The following VPS25 variants were observed in gnomAD, a reference collection of about 807,000 sequenced individuals.
The protein encoded by VPS25 is vacuolar protein sorting 25 homolog.
VPS25 carries 21 observed loss-of-function variants against 30.3 expected under a neutral mutation model. That is an observed-to-expected ratio of 0.69 (90% CI 0.49 to 1.00). The LOEUF (loss-of-function observed/expected upper bound fraction) is 1.00, where lower values mean the gene tolerates loss of function less well. Ranked by LOEUF, VPS25 falls within the 50% of genes least tolerant of loss-of-function variation. The pLI, the probability that VPS25 is intolerant of heterozygous loss-of-function variation, is 0.00. For missense variants in VPS25, 156 were observed against 217.2 expected (o/e 0.72, Z 1.77); for synonymous variants, 101 against 88.1 (o/e 1.15, Z -0.82).
chr17:42,775,534 C>A, intron 4 of VPS25, 65 bp downstream of exon 4: 2 of 1,350,062 alleles, frequency 1.5e-6, no homozygotes, highest in Non-Finnish European at 1.0e-6. Context: ...ATATTAGGGC[C>A]TAGCAGATAG....
chr17:42,775,521 A>C (rs1426181547), intron 4 of VPS25, 52 bp downstream of exon 4: 3 of 1,479,982 alleles, frequency 2.0e-6, no homozygotes, highest in Non-Finnish European at 2.8e-6. Context: ...GAAAAGGTTA[A>C]CTATATTAGG....
Position 42,779,037 on chromosome 17 carries a change from G to A in VPS25, c.499G>A (p.Val167Ile), listed in dbSNP as rs143889169. The A allele has an allele frequency of 1.3e-4, 208 of 1,614,074 alleles. 1 individual carries two copies. The African/African-American group carries it at 2.5e-3, about 20-fold the overall frequency. Residue 167 changes from valine to isoleucine, a missense_variant, in exon 6 of 6, where the codon GTC (valine) becomes ATC (isoleucine). Val to Ile is a conservative substitution (Grantham distance 29, BLOSUM62 3). Coordinates refer to ENST00000253794, the MANE Select transcript of VPS25 (RefSeq NM_032353.4). ...QQEHKAEIIT[V>I]SDGRGVKFF ...GGAGCACAAGGCCGAGATCATCACT[G>A]TCAGCGATGGCCGAGGCGTCAAGTT... is the stretch of plus-strand genomic sequence containing the variant.
intron 4 of VPS25, 21 bp from the exon 5 acceptor site, chr17:42,776,224 C>T: frequency 1.2e-6 from 2 of 1,608,154 alleles, no homozygotes; most frequent in Non-Finnish European, 1.7e-6. Context: ...CTAATTCACT[C>T]CTCATTTTCT....
chr17:42,778,710 G>A (rs531015863), intron 5 of VPS25, among the ~76,000 whole-genome samples: 2 of 152,190 alleles, frequency 1.3e-5, no homozygotes, highest in South Asian at 2.1e-4. Flanking sequence ...CTAGGTGTGG[G>A]GGAGGCTGAG....
At chr17:42,774,372 CTTTTT>C (rs1161401913) in intron 2 of VPS25, 447 of 226,832 alleles carry the variant, frequency 2.0e-3, no homozygotes, top group East Asian at 3.4e-3. Flanking sequence ...TTCTTTCTTT[CTTTTT>C]TTTTTTTTTT....
rs186900758 is a variant in VPS25 at position 42,778,157 on chromosome 17, C to T, written c.419-800C>T. Among the ~76,000 whole-genome samples, 137 of 152,206 alleles carry T rather than the reference C, an allele frequency of 9.0e-4. No homozygotes were observed. The Middle Eastern group carries it at 0.02, about 23-fold the overall frequency. On this transcript the variant is annotated intron_variant, in intron 5 of 5. Transcript: ENST00000253794. ...CCTGCAGTATCTTACCATATCTCCA[C>T]ATACTCAGCTAGCCATAGGCTCCCC...
At chr17:42,773,982 C>A in intron 2 of VPS25, 104 bp downstream of exon 2, 2 of 1,365,256 alleles carry the variant, frequency 1.5e-6, no homozygotes, top group Non-Finnish European at 2.0e-6. Context: ...CCATGGTAGG[C>A]AGATTCCCAC....
In VPS25 at chr17:42,773,881, A is replaced by ATCC; in HGVS notation, c.199+7_199+9dup. 1 of 1,612,084 alleles carries ATCC rather than the reference A, an allele frequency of 6.2e-7. No individual in the cohort carries two copies. Among genetic ancestry groups the ATCC allele is most frequent in the Non-Finnish European group, 8.5e-7 (1 of 1,179,796 alleles). On this transcript the variant is annotated splice_donor_region_variant and intron_variant, in intron 2 of 5. Transcript: ENST00000253794. ...CTTCAACAACGTCAAGCTACAGCGT[A>ATCC]TCCTCCCTCAGGCTCTTCCACAGCC...
chr17:42,774,137 T>A, intron 2 of VPS25: 1 of 405,846 alleles, frequency 2.5e-6, no homozygotes, highest in Non-Finnish European at 4.4e-6. Context: ...AGTTCCAAGT[T>A]TTTTAACCTA....
Position 42,779,353 on chromosome 17 carries a change from A to T in VPS25, c.*284A>T. 2.6e-6 allele frequency: 1 copy of T among 378,966 alleles called. No individual in the cohort carries two copies. Among genetic ancestry groups the T allele is most frequent in the South Asian group, 2.4e-5 (1 of 41,930 alleles). The allele number at this position is 378,966 out of a possible 1,614,324, so 23.5% of individuals were successfully genotyped here. On this transcript the variant is annotated 3_prime_UTR_variant, in exon 6 of 6. Transcript: ENST00000253794. ...CCAGGGTCTGTAAACCTGACACTTT[A>T]TATGTGTTCACACATGTAAGTACAT...
intron 3 of VPS25, 81 bp from the exon 4 acceptor site, chr17:42,775,300 C>G (rs2054430100): frequency 1.8e-6 from 2 of 1,086,030 alleles, no homozygotes; most frequent in Admixed American, 3.7e-5. Context: ...CTCCTGGGCT[C>G]AAGCAGTCCT....
chr17:42,777,647 T>C (rs1201980749), intron 5 of VPS25, among the ~76,000 whole-genome samples: 1 of 152,236 alleles, frequency 6.6e-6, no homozygotes, highest in Non-Finnish European at 1.5e-5. Context: ...TCAGGCTCTC[T>C]TTCACCCTTT....
intron 5 of VPS25, 105 bp from the exon 6 acceptor site, chr17:42,778,852 A>G: frequency 1.1e-6 from 1 of 945,532 alleles, no homozygotes; most frequent in Non-Finnish European, 1.6e-6. Flanking sequence ...TAGATGGCTT[A>G]TGCATACCCT....
chr17:42,775,590 A>T, intron 4 of VPS25, 121 bp downstream of exon 4: 1 of 744,188 alleles, frequency 1.3e-6, no homozygotes, highest in Non-Finnish European at 2.2e-6. Context: ...AGGGGGCAGA[A>T]AGAGGAAGTG....
chr17:42,777,249 T>C (rs1187729169), intron 5 of VPS25, among the ~76,000 whole-genome samples: 1 of 152,166 alleles, frequency 6.6e-6, no homozygotes, highest in Non-Finnish European at 1.5e-5. Flanking sequence ...GTGCAGTGGC[T>C]CACGCCTGTA....
intron 3 of VPS25, 80 bp from the exon 4 acceptor site, chr17:42,775,279 CTAGTTTCGAACTCCTGGGCTCA>C (rs2054429862): frequency 1.3e-6 from 1 of 798,302 alleles, no homozygotes. Context: ...GTTGCCCAGG[CTAGTTTCGAACTCCTGGGCTCA>C]AGCAGTCCTC....
Position 42,776,271 on chromosome 17 carries a change from C to A in VPS25, c.369C>A (p.Ser123=). Residue 123 remains serine (S), a synonymous_variant, in exon 5 of 6, where the codon TCC becomes TCA. Transcript: ENST00000253794. ...TTTCCAGGAGTGGCCAGAACAACTCCGTCTTTACCCTGTATGAACTGACTA... is the reference window on the plus strand; with the variant it reads ...TTTCCAGGAGTGGCCAGAACAACTCAGTCTTTACCCTGTATGAACTGACTA... ...QWVSRSGQNN[S]VFTLYELTNG... is the part of the protein sequence containing the mutation. 1 of 1,613,622 alleles carries A rather than the reference C, an allele frequency of 6.2e-7. No homozygotes were observed. The highest frequency in any genetic ancestry group is 8.5e-7 in the Non-Finnish European group (1 of 1,180,002).
At chr17:42,778,863 GC>G in intron 5 of VPS25, 93 bp from the exon 6 acceptor site, 2 of 1,122,160 alleles carry the variant, frequency 1.8e-6, no homozygotes, top group Non-Finnish European at 2.6e-6. Flanking sequence ...TGCATACCCT[GC>G]CTCTGGGAGG....
At chr17:42,777,387 T>C (rs2054442215) in intron 5 of VPS25, among the ~76,000 whole-genome samples, 1 of 152,168 alleles carries the variant, frequency 6.6e-6, no homozygotes, top group South Asian at 2.1e-4. Flanking sequence ...TGGTGGTGCA[T>C]GCTTGTAATC....
Sources: gnomAD v4.1 joint callset for allele counts (sites outside exome capture counted in the v4.1 genomes callset) on GRCh38, gnomAD v4.1.1 for gene constraint, MANE v1.5 for transcripts, NCBI Gene and HGNC (gene_info 2026-07-23, HGNC 2026-07-21) for gene names.